F8: variants seen among roughly 807,000 people sequenced by gnomAD.
F8 encodes coagulation factor VIII.
Under a neutral mutation model 140.6 loss-of-function variants are expected in F8, and 12 were observed. That is an observed-to-expected ratio of 0.09 (90% CI 0.05 to 0.14). F8 has a LOEUF of 0.14. F8 is among the 10% of genes least tolerant of loss of function. The probability of loss-of-function intolerance (pLI) is 1.00; values close to 1 mark genes in which losing one functional copy is unlikely to be tolerated. For missense variants in F8, 1,354 were observed against 1,720.7 expected (o/e 0.79, Z 3.77); for synonymous variants, 585 against 614.6 (o/e 0.95, Z 0.71).
chrX:154,995,922 G>A (rs2073614520), intron 3 of F8, among the ~76,000 whole-genome samples: 1 of 111,131 alleles, frequency 9.0e-6, no homozygotes, highest in Admixed American at 9.6e-5. Context: ...TAGACTCTAT[G>A]GTTGGTGTCC....
At chrX:154,959,385 C>CA (rs201851580) in intron 10 of F8, among the ~76,000 whole-genome samples, 3,496 of 100,774 alleles carry the variant, frequency 0.035, 148 homozygotes, top group African/African-American at 0.12. Flanking sequence ...GACGCTGTCT[C>CA]AAAAAAAAAA....
intron 1 of F8, among the ~76,000 whole-genome samples, chrX:155,007,843 G>A (rs1557286184): frequency 9.1e-6 from 1 of 110,418 alleles, no homozygotes. Flanking sequence ...GTGCCAAAAA[G>A]GTTGGGGATT....
At chrX:154,919,309 T>C (rs1396443485) in intron 14 of F8, among the ~76,000 whole-genome samples, 1 of 112,491 alleles carries the variant, frequency 8.9e-6, no homozygotes, top group Non-Finnish European at 1.9e-5. Flanking sequence ...ATCACTTTTT[T>C]ATTGTCTCAA....
chrX:154,942,904 C>G (rs2073277799), intron 13 of F8, among the ~76,000 whole-genome samples: 1 of 106,604 alleles, frequency 9.4e-6, no homozygotes, highest in Non-Finnish European at 1.9e-5. Context: ...TAAACAGAAC[C>G]AAAGACAAAA....
chrX:154,982,319 C>T (rs1377830209), intron 6 of F8, among the ~76,000 whole-genome samples: 3 of 103,619 alleles, frequency 2.9e-5, no homozygotes, highest in Non-Finnish European at 5.9e-5. Context: ...AGGTGGCGGG[C>T]GCCTGTAGTC....
chrX:154,851,578 GT>G (rs1206462189), intron 25 of F8, among the ~76,000 whole-genome samples: 2 of 104,858 alleles, frequency 1.9e-5, no homozygotes, highest in East Asian at 3.0e-4. Context: ...TTTTGTTTTT[GT>G]TTTTTTTTTA....
intron 24 of F8, among the ~76,000 whole-genome samples, chrX:154,860,813 C>T (rs1387911337): frequency 9.0e-6 from 1 of 111,595 alleles, no homozygotes; most frequent in Non-Finnish European, 1.9e-5. Context: ...ATTCTCCTGC[C>T]TCAGCTTCCC....
chrX:154,867,069 G>A (rs1346067643), intron 22 of F8, among the ~76,000 whole-genome samples: 1 of 111,725 alleles, frequency 9.0e-6, no homozygotes, highest in Non-Finnish European at 1.9e-5. Flanking sequence ...TATTATAAGT[G>A]TCAACAAATT....
At chrX:155,009,009 C>T (rs2124159975) in intron 1 of F8, among the ~76,000 whole-genome samples, 1 of 111,634 alleles carries the variant, frequency 9.0e-6, no homozygotes, top group Admixed American at 9.4e-5. Flanking sequence ...CCCAAGAACA[C>T]TCCAAATAAA....
At chrX:154,903,416 G>A (rs2073019966) in intron 18 of F8, among the ~76,000 whole-genome samples, 2 of 111,930 alleles carry the variant, frequency 1.8e-5, no homozygotes, top group South Asian at 7.4e-4. Flanking sequence ...CTGGCCTCAA[G>A]CAATCCTCCA....
intron 13 of F8, among the ~76,000 whole-genome samples, chrX:154,944,920 C>CA (rs1363468346): frequency 1.5e-4 from 16 of 109,713 alleles, no homozygotes; most frequent in Middle Eastern, 9.3e-3. Flanking sequence ...ATCGCAAGAA[C>CA]AAAAAACCAA....
At chrX:155,019,405 CATT>C (rs1243451351) in intron 1 of F8, among the ~76,000 whole-genome samples, 1 of 111,627 alleles carries the variant, frequency 9.0e-6, no homozygotes, top group Non-Finnish European at 1.9e-5. Context: ...AAATCTGTCT[CATT>C]TAACTTATGA....
At chrX:154,952,543 ATTTTTTTT>A (rs782661825) in intron 12 of F8, among the ~76,000 whole-genome samples, 1 of 96,068 alleles carries the variant, frequency 1.0e-5, no homozygotes, top group Non-Finnish European at 2.1e-5. Context: ...TTCGTTCAGG[ATTTTTTTT>A]TTTTTTTTTT....
At position 154,984,726 on chromosome X, in the gene F8, T is replaced by C. The variant is rs781943293; in HGVS notation, c.748A>G (p.Met250Val). 1.2e-5 allele frequency: 15 copies of C among 1,209,397 alleles called. No individual in the cohort carries two copies. In the Admixed American group the frequency reaches 3.3e-4, roughly 26 times the overall value. The stretch of plus-strand genomic sequence containing the variant: ...TTTACATAACCATTGACTGTGTGCA[T>C]TTTAGGCCAGGCCCGAGCAGATGCA... ...DAASARAWPK[M>V]HTVNGYVNRS... The change falls in exon 6 of 26, where the codon ATG becomes GTG. Residue 250 changes from methionine to valine, a missense_variant. Around this residue, in one of 4 missense-constraint regions of F8, gnomAD observed 128 missense variants for 230.4 expected, o/e 0.56. Coordinates refer to ENST00000360256, the MANE Select transcript of F8 (RefSeq NM_000132.4).
chrX:154,999,601 C>A lies in F8; in HGVS notation c.144-1G>T. On this transcript the variant is annotated splice_acceptor_variant, in intron 1 of 25. Transcript: ENST00000360256. LOFTEE classifies it high-confidence loss of function. ...AGATTTTGGCACTCTAGGAGGAAAT[C>A]TGCGTGAAGAAAGGAAAAAGTCGTT... is the stretch of plus-strand genomic sequence containing the variant. The A allele has an allele frequency of 8.3e-7, 1 of 1,203,954 alleles. No homozygotes were observed. Among genetic ancestry groups the A allele is most frequent in the Non-Finnish European group, 1.1e-6 (1 of 890,405 alleles).
At chrX:154,941,583 C>T (rs1388531690) in intron 13 of F8, among the ~76,000 whole-genome samples, 18 of 111,427 alleles carry the variant, frequency 1.6e-4, no homozygotes, top group South Asian at 1.5e-3. Flanking sequence ...TTTAACACCC[C>T]ACTGTCAACA....
intron 5 of F8, among the ~76,000 whole-genome samples, chrX:154,986,224 A>G (rs782682557): frequency 2.7e-5 from 3 of 112,697 alleles, no homozygotes; most frequent in Non-Finnish European, 5.6e-5. Context: ...ATGGAACACA[A>G]CAAGGCTGGA....
Position 154,957,071 on chromosome X carries a change from C to T in F8, c.1638G>A (p.Arg546=), listed in dbSNP as rs1557281256. ...VEDGPTKSDP[R]CLTRYYSSFV... is the part of the protein sequence containing the mutation. ...AACTAGAGTAATAGCGGGTCAGGCA[C>T]CGAGGATCTGATTTAGTTGGCCCAT... The change falls in exon 11 of 26, where the codon CGG becomes CGA. Residue 546 remains arginine (R), a synonymous_variant. Transcript: ENST00000360256. 2 of 1,209,706 alleles carry T rather than the reference C, an allele frequency of 1.7e-6. No homozygotes were observed. Among genetic ancestry groups the T allele is most frequent in the Non-Finnish European group, 2.2e-6 (2 of 893,890 alleles).
At chrX:154,913,267 A>T (rs929478453) in intron 14 of F8, among the ~76,000 whole-genome samples, 46 of 111,334 alleles carry the variant, frequency 4.1e-4, no homozygotes, top group Admixed American at 2.8e-3. Flanking sequence ...GTTTTTTTTT[A>T]AAAAATCTCT....
Sources: gnomAD v4.1 joint callset for allele counts (sites outside exome capture counted in the v4.1 genomes callset) on GRCh38, gnomAD v4.1.1 for gene constraint, gnomAD v4.1.1 regional missense constraint, MANE v1.5 for transcripts, NCBI Gene and HGNC (gene_info 2026-07-23, HGNC 2026-07-21) for gene names.